GRIK4: variants seen among roughly 807,000 people sequenced by gnomAD.
GRIK4 encodes glutamate ionotropic receptor kainate type subunit 4.
In GRIK4, 40 loss-of-function variants were observed where a neutral mutation model predicts 104.9. That is an observed-to-expected ratio of 0.38 (90% CI 0.30 to 0.50). The LOEUF is 0.50. Ranked by LOEUF, GRIK4 falls within the 20% of genes least tolerant of loss-of-function variation. The pLI is 0.93. For missense variants in GRIK4, 1,047 were observed against 1,308.1 expected (o/e 0.80, Z 3.08); for synonymous variants, 485 against 524.9 (o/e 0.92, Z 1.04).
chr11:120,801,132 C>G (rs1339699864), intron 3 of GRIK4, among the ~76,000 whole-genome samples: 1 of 152,220 alleles, frequency 6.6e-6, no homozygotes, highest in Non-Finnish European at 1.5e-5. Flanking sequence ...ATCTTTCTGC[C>G]TCTGTGGATT....
intron 1 of GRIK4, among the ~76,000 whole-genome samples, chr11:120,613,065 G>A (rs989165741): frequency 5.3e-5 from 8 of 152,226 alleles, no homozygotes; most frequent in African/African-American, 1.9e-4. Context: ...TGGAGGGCTG[G>A]TCTCTGCCAT....
At chr11:120,563,070 A>G (rs902416673) in intron 1 of GRIK4, among the ~76,000 whole-genome samples, 1 of 152,208 alleles carries the variant, frequency 6.6e-6, no homozygotes, top group Non-Finnish European at 1.5e-5. Flanking sequence ...GGGATGGTGA[A>G]GTGTGTCTTT....
intron 1 of GRIK4, among the ~76,000 whole-genome samples, chr11:120,583,261 A>T (rs1948612459): frequency 6.6e-6 from 1 of 152,186 alleles, no homozygotes; most frequent in South Asian, 2.1e-4. Flanking sequence ...CCTTTGTTGG[A>T]TACATAGTTT....
chr11:120,831,984 T>C lies in GRIK4; in HGVS notation c.644T>C (p.Ile215Thr), dbSNP rs1180630297. ...KEIRDDKTAT[I>T]IIHANASMSH... The stretch of plus-strand genomic sequence containing the variant: ...ATCCGGGACGACAAGACCGCCACCA[T>C]CATCATCCACGCCAACGCCTCCATG... The change falls in exon 7 of 21, where the codon ATC (isoleucine) becomes ACC (threonine). Residue 215 changes from isoleucine to threonine, a missense_variant. Physicochemically the swap from Ile to Thr is moderately conservative, Grantham distance 89. Around this residue, in one of 3 missense-constraint regions of GRIK4, gnomAD observed 447 missense variants for 514.9 expected, o/e 0.87. Coordinates refer to ENST00000527524, the MANE Select transcript of GRIK4 (RefSeq NM_014619.5). 3 of 1,613,726 alleles carry C rather than the reference T, an allele frequency of 1.9e-6. No homozygotes were observed. Among genetic ancestry groups the C allele is most frequent in the Non-Finnish European group, 2.5e-6 (3 of 1,179,874 alleles).
At chr11:120,612,667 C>T (rs932039706) in intron 1 of GRIK4, among the ~76,000 whole-genome samples, 1 of 152,320 alleles carries the variant, frequency 6.6e-6, no homozygotes, top group East Asian at 1.9e-4. Flanking sequence ...GATGACTTCA[C>T]TGAAGGCAAA....
intron 1 of GRIK4, among the ~76,000 whole-genome samples, chr11:120,643,415 G>A (rs368289805): frequency 5.4e-4 from 82 of 152,264 alleles, no homozygotes; most frequent in African/African-American, 1.7e-3. Flanking sequence ...CTGAGGCACC[G>A]TGGGACCCAG....
intron 3 of GRIK4, among the ~76,000 whole-genome samples, chr11:120,710,630 G>T (rs1347333306): frequency 6.6e-6 from 1 of 152,146 alleles, no homozygotes; most frequent in Non-Finnish European, 1.5e-5. Context: ...CGGTTTTTCT[G>T]TGCAGGGGTC....
intron 1 of GRIK4, among the ~76,000 whole-genome samples, chr11:120,645,943 C>T (rs968934993): frequency 7.9e-5 from 12 of 152,306 alleles, no homozygotes; most frequent in African/African-American, 2.9e-4. Context: ...TTCACTTGCA[C>T]CATTAACGCT....
chr11:120,594,325 A>G (rs994321527), intron 1 of GRIK4, among the ~76,000 whole-genome samples: 6 of 152,090 alleles, frequency 3.9e-5, no homozygotes, highest in African/African-American at 1.2e-4. Flanking sequence ...AAAAATATAT[A>G]TACAAAAATT....
intron 3 of GRIK4, among the ~76,000 whole-genome samples, chr11:120,721,375 T>C (rs953555733): frequency 2.6e-5 from 4 of 152,162 alleles, no homozygotes; most frequent in African/African-American, 9.7e-5. Flanking sequence ...TTTAAAGTAT[T>C]GTGCATTAAT....
chr11:120,885,875 A>C (rs1373870693), intron 11 of GRIK4, among the ~76,000 whole-genome samples: 1 of 152,012 alleles, frequency 6.6e-6, no homozygotes, highest in Admixed American at 6.6e-5. Flanking sequence ...ACTGAGCTCC[A>C]CTCCTGCCCT....
At chr11:120,918,568 G>A (rs1943160742) in intron 13 of GRIK4, among the ~76,000 whole-genome samples, 1 of 152,210 alleles carries the variant, frequency 6.6e-6, no homozygotes, top group Non-Finnish European at 1.5e-5. Flanking sequence ...CGTGCTCTGG[G>A]ATGGGGGGGT....
intron 4 of GRIK4, among the ~76,000 whole-genome samples, chr11:120,814,313 C>A (rs1952887339): frequency 6.6e-6 from 1 of 152,130 alleles, no homozygotes; most frequent in Non-Finnish European, 1.5e-5. Flanking sequence ...CTAAAGGAGC[C>A]CAGTGGTGGG....
At chr11:120,673,416 C>G (rs1234425713) in intron 3 of GRIK4, among the ~76,000 whole-genome samples, 3 of 152,206 alleles carry the variant, frequency 2.0e-5, no homozygotes, top group Non-Finnish European at 2.9e-5. Context: ...TGCAGTGATG[C>G]TGCTGGCTCC....
chr11:120,518,780 G>A (rs189301382), intron 1 of GRIK4, among the ~76,000 whole-genome samples: 1,770 of 152,150 alleles, frequency 0.012, 41 homozygotes, highest in African/African-American at 0.039. Context: ...TACCACCCCC[G>A]GCTAATTTTT....
intron 3 of GRIK4, among the ~76,000 whole-genome samples, chr11:120,734,484 T>C (rs1004903678): frequency 6.6e-6 from 1 of 152,192 alleles, no homozygotes; most frequent in African/African-American, 2.4e-5. Flanking sequence ...TATTTCTGAC[T>C]TTTGGGAGTT....
At chr11:120,596,785 C>G (rs1204409307) in intron 1 of GRIK4, among the ~76,000 whole-genome samples, 1 of 151,758 alleles carries the variant, frequency 6.6e-6, no homozygotes, top group South Asian at 2.1e-4. Flanking sequence ...AGTGCAGTGG[C>G]GCCATATTGG....
intron 3 of GRIK4, among the ~76,000 whole-genome samples, chr11:120,733,972 A>G (rs1327623716): frequency 6.6e-6 from 1 of 152,090 alleles, no homozygotes; most frequent in Non-Finnish European, 1.5e-5. Context: ...TCCTAACCTC[A>G]TGATCCACCT....
chr11:120,586,275 G>A (rs1591715658), intron 1 of GRIK4, among the ~76,000 whole-genome samples: 1 of 152,056 alleles, frequency 6.6e-6, no homozygotes, highest in African/African-American at 2.4e-5. Flanking sequence ...GTTTTTCAGG[G>A]GAAGTACCAG....
Sources: allele counts gnomAD v4.1 joint callset (sites outside exome capture counted in the v4.1 genomes callset), GRCh38; gene constraint gnomAD v4.1.1; regional missense constraint gnomAD v4.1.1; transcripts MANE v1.5; gene names NCBI Gene and HGNC (gene_info 2026-07-23, HGNC 2026-07-21).